The following TRMT2B variants were observed in gnomAD, a reference collection of about 807,000 sequenced individuals.
TRMT2B encodes the protein tRNA methyltransferase 2B.
In TRMT2B, 34 loss-of-function variants were observed where a neutral mutation model predicts 39.7. The observed-to-expected ratio is 0.86, with a 90% confidence interval of 0.65 to 1.14. TRMT2B has a LOEUF of 1.14. Among genes scored for constraint, TRMT2B ranks in the 50% most tolerant of loss-of-function variants. The pLI is 0.00. For synonymous variants in TRMT2B, 132 were observed against 137.3 expected (o/e 0.96, Z 0.27); for missense variants, 318 against 377.2 (o/e 0.84, Z 1.30).
chrX:101,037,219 A>G lies in TRMT2B; in HGVS notation c.439-146T>C, dbSNP rs962531809. The G allele has an allele frequency of 1.8e-4, 84 of 472,633 alleles. No homozygotes were observed. The African/African-American group carries it at 1.8e-3, about 10-fold the overall frequency. The allele number at this position is 472,633 out of a possible 1,213,427, so 39.0% of individuals were successfully genotyped here. ...TGGCATATGTGAAAGTCTGTGGCTA[A>G]GAAGATCAAGACAGTCCATAGAAGG... On this transcript the variant is annotated intron_variant, in intron 5 of 13. Transcript: ENST00000372936.
the TRMT2B span, among the ~76,000 whole-genome samples, chrX:100,979,287 C>T: frequency 8.9e-6 from 1 of 112,046 alleles, no homozygotes; most frequent in Non-Finnish European, 1.9e-5. Flanking sequence ...GAAGTACTCC[C>T]TTTGGCATTT....
intron 2 of TRMT2B, among the ~76,000 whole-genome samples, chrX:101,050,607 C>T (rs2089007105): frequency 9.0e-6 from 1 of 111,280 alleles, no homozygotes; most frequent in African/African-American, 3.3e-5. Context: ...GCCTGTAATC[C>T]CAGCTACTCG....
the TRMT2B span, among the ~76,000 whole-genome samples, chrX:100,979,131 T>G: frequency 8.9e-6 from 1 of 112,257 alleles, no homozygotes; most frequent in Non-Finnish European, 1.9e-5. Flanking sequence ...TTTTAGTCTT[T>G]GTACTCAAGC....
At position 101,036,889 on chromosome X, in the gene TRMT2B, G is replaced by A. The variant is rs139289238; in HGVS notation, c.538+85C>T. 2.6e-3 allele frequency: 1,835 copies of A among 717,398 alleles called. 5 individuals carry two copies. The highest frequency in any genetic ancestry group is 3.7e-3 in the Non-Finnish European group (1,693 of 457,491). 59.1% of individuals were successfully genotyped at this position (717,398 alleles called of 1,213,427 possible). ...TTCCAATTTAATCTTCTTCTTTAAGGCCACCGTATTTTCCACTTCTACTGA... is the reference window on the plus strand; with the variant it reads ...TTCCAATTTAATCTTCTTCTTTAAGACCACCGTATTTTCCACTTCTACTGA... On this transcript the variant is annotated intron_variant, in intron 6 of 13. Transcript: ENST00000372936.
At chrX:100,988,060 A>C in the TRMT2B span, 15 of 489,461 alleles carry the variant, frequency 3.1e-5, no homozygotes, top group Admixed American at 5.0e-4. Flanking sequence ...CAAAAGGCCT[A>C]AACATCCTCT....
chrX:101,037,992 G>A lies in TRMT2B; in HGVS notation c.363C>T (p.Leu121=), dbSNP rs2087941514. ...CAGCCGTTGTCACACTGACTCCATT[G>A]AGCATTTGGATGTAAGACTCTAGTC... ...LQRLESYIQM[L]NGVSVTTAVP... is the part of the protein sequence containing the mutation. Residue 121 remains leucine, a synonymous_variant, in exon 5 of 14, where the codon CTC becomes CTT. Transcript: ENST00000372936. The A allele has an allele frequency of 1.7e-6, 2 of 1,205,798 alleles. No individual in the cohort carries two copies. The highest frequency in any genetic ancestry group is 3.5e-5 in the African/African-American group (2 of 56,825).
intron 13 of TRMT2B, among the ~76,000 whole-genome samples, chrX:101,017,175 A>G (rs1296341923): frequency 1.8e-5 from 2 of 109,115 alleles, no homozygotes; most frequent in Non-Finnish European, 3.8e-5. Context: ...CCGTCTCAGG[A>G]AAAAAAAAAT....
At chrX:101,025,481 C>G (rs1173881048) in intron 7 of TRMT2B, among the ~76,000 whole-genome samples, 1 of 111,231 alleles carries the variant, frequency 9.0e-6, no homozygotes, top group African/African-American at 3.3e-5. Context: ...TGTTCTGGGT[C>G]CACTGGGTTC....
the TRMT2B span, among the ~76,000 whole-genome samples, chrX:100,985,033 G>C: frequency 8.9e-6 from 1 of 112,243 alleles, no homozygotes; most frequent in Non-Finnish European, 1.9e-5. Context: ...TCAGAAGAAA[G>C]GTACCTTATC....
downstream of TRMT2B, among the ~76,000 whole-genome samples, chrX:101,006,760 G>A (rs148565836): frequency 0.015 from 1,611 of 107,928 alleles, 45 homozygotes; most frequent in African/African-American, 0.052. Context: ...CCATGATGGC[G>A]CTACTGCACT....
In TRMT2B at chrX:101,032,491, G is replaced by A. The variant is rs776570602; in HGVS notation, c.609+3122C>T. Among the ~76,000 whole-genome samples, 250 of 108,251 alleles carry A rather than the reference G, an allele frequency of 2.3e-3. 2 individuals are homozygous for A. The highest frequency in any genetic ancestry group is 8.0e-3 in the African/African-American group (238 of 29,784). The allele number at this position is 108,251 out of a possible 115,157, so 94.0% of individuals were successfully genotyped here. On this transcript the variant is annotated intron_variant, in intron 7 of 13. Coordinates refer to ENST00000372936, the MANE Select transcript of TRMT2B (RefSeq NM_024917.6). ...AATTCCAGCTATTCAGGAAGCTGAG[G>A]CAGGAGAATTGCTTGAACCCGGGAG...
rs763242233 is a variant in TRMT2B, at chrX:101,019,221, G to T, written c.1288+63C>A. The T allele has an allele frequency of 2.8e-5, 33 of 1,199,956 alleles. 1 individual carries two copies. In the Admixed American group the frequency reaches 4.4e-4, roughly 16 times the overall value. Reference sequence around the variant, plus strand: ...ACTGGGAGCACCCGTAGCATGGTGTGGAAAAGAAGAACCAAAGTTGATGGA... The same window carrying T: ...ACTGGGAGCACCCGTAGCATGGTGTTGAAAAGAAGAACCAAAGTTGATGGA... On this transcript the variant is annotated intron_variant, in intron 12 of 13. Transcript: ENST00000372936.
At position 101,051,572 on chromosome X, in the gene TRMT2B, G is replaced by A. The variant is rs1212613305; in HGVS notation, c.-345C>T. 4.0e-6 allele frequency: 3 copies of A among 753,152 alleles called. No individual in the cohort carries two copies. Among genetic ancestry groups the A allele is most frequent in the South Asian group, 6.8e-5 (1 of 14,741 alleles). 62.1% of individuals were successfully genotyped at this position (753,152 alleles called of 1,213,427 possible). ...TACCACTAAACTTGGCCGGTCTGCA[G>A]GGCCCGGGAAGGACAGAAAGTAAGG... On this transcript the variant is annotated 5_prime_UTR_variant, in exon 2 of 14. Coordinates refer to ENST00000372936, the MANE Select transcript of TRMT2B (RefSeq NM_024917.6).
In TRMT2B at chrX:101,010,578, T is replaced by C. The variant is rs1486550577; in HGVS notation, c.*3A>G. ...AATAGCCTGCTGTCTTCTAGGAGGC[T>C]GCTTATCGAGTAAAGAGGAGCACCA... On this transcript the variant is annotated 3_prime_UTR_variant, in exon 14 of 14. Transcript: ENST00000372936. 8.3e-6 allele frequency: 10 copies of C among 1,209,213 alleles called. No individual in the cohort carries two copies. Among genetic ancestry groups the C allele is most frequent in the Middle Eastern group, 2.3e-4 (1 of 4,273 alleles).
Position 101,051,517 on chromosome X carries a change from G to A in TRMT2B, c.-290C>T, listed in dbSNP as rs1472940226. On this transcript the variant is annotated 5_prime_UTR_variant, in exon 2 of 14. Transcript: ENST00000372936. ...TTCTGCCCACTGTGTCTGTAGGAAG[G>A]GTTAACAAAGAGGAGACACTAGGAA... 1.3e-6 allele frequency: 1 copy of A among 752,800 alleles called. No homozygotes were observed. Among genetic ancestry groups the A allele is most frequent in the African/African-American group, 2.3e-5 (1 of 43,268 alleles). The allele number at this position is 752,800 out of a possible 1,213,427, so 62.0% of individuals were successfully genotyped here. A position where few individuals can be genotyped will look rare whatever the true frequency, so the allele number is the denominator to read the frequency against.
intron 6 of TRMT2B, 139 bp downstream of exon 6, chrX:101,036,835 A>G (rs1394080624): frequency 8.2e-6 from 4 of 487,341 alleles, no homozygotes; most frequent in Non-Finnish European, 1.4e-5. Context: ...TCCGTAATCA[A>G]CCTTGTGATC....
chrX:101,034,168 G>A (rs190082315), intron 7 of TRMT2B, among the ~76,000 whole-genome samples: 34 of 86,886 alleles, frequency 3.9e-4, no homozygotes, highest in African/African-American at 1.4e-3. Context: ...TTGAGACATG[G>A]TCTCGCTCTG....
At chrX:100,980,196 C>A in the TRMT2B span, among the ~76,000 whole-genome samples, 4 of 111,781 alleles carry the variant, frequency 3.6e-5, no homozygotes, top group African/African-American at 1.3e-4. Flanking sequence ...CAGCAGGTTC[C>A]TTTCTGGTCC....
chrX:101,042,329 C>T lies in TRMT2B; in HGVS notation c.-23-17G>A. 8.5e-7 allele frequency: 1 copy of T among 1,182,295 alleles called. No individual in the cohort carries two copies. Among genetic ancestry groups the T allele is most frequent in the Admixed American group, 2.4e-5 (1 of 42,487 alleles). On this transcript the variant is annotated splice_polypyrimidine_tract_variant and intron_variant, in intron 2 of 13. Transcript: ENST00000372936. ...GAAATCCACCTGCATGAAAGGTACA[C>T]ATACAGAGGTTGGGAAATAGAAGCA...
Sources: gnomAD v4.1 joint callset for allele counts (sites outside exome capture counted in the v4.1 genomes callset) on GRCh38, gnomAD v4.1.1 for gene constraint, MANE v1.5 for transcripts, NCBI Gene and HGNC (gene_info 2026-07-23, HGNC 2026-07-21) for gene names.